The following OTOGL variants were observed in gnomAD, a reference collection of about 807,000 sequenced individuals.
OTOGL encodes otogelin-like protein.
Under a neutral mutation model 318.5 loss-of-function variants are expected in OTOGL, and 285 were observed. The observed-to-expected ratio is 0.89, with a 90% confidence interval of 0.81 to 0.99. OTOGL has a LOEUF of 0.99. OTOGL is among the 50% of genes least tolerant of loss of function. OTOGL has a pLI of 0.00. For missense variants in OTOGL, 2,899 were observed against 2,845.6 expected (o/e 1.02, Z -0.43); for synonymous variants, 987 against 936.5 (o/e 1.05, Z -0.99).
chr12:80,251,612 T>C, intron 11 of OTOGL, 81 bp from the exon 12 acceptor site: 1 of 1,064,862 alleles, frequency 9.4e-7, no homozygotes, highest in Non-Finnish European at 1.4e-6. Flanking sequence ...GCACTCAGCA[T>C]TTCTAGGGAT....
chr12:80,208,417 C>T (rs1212340807), intron 1 of OTOGL, among the ~76,000 whole-genome samples: 2 of 152,134 alleles, frequency 1.3e-5, no homozygotes, highest in East Asian at 3.8e-4. Flanking sequence ...TCATAAAGTA[C>T]TTCTGTGTGG....
intron 1 of OTOGL, among the ~76,000 whole-genome samples, chr12:80,119,666 T>C (rs1870374569): frequency 6.6e-6 from 1 of 152,208 alleles, no homozygotes; most frequent in African/African-American, 2.4e-5. Context: ...TGTATTATGC[T>C]GATTTGTTGA....
rs1301365585 is a variant in OTOGL at position 80,356,487 on chromosome 12, A to C, written c.5878A>C (p.Ser1960Arg). ...TNSQKLIVGHSPLSCCPQYKC... is the reference protein window; with the variant it reads ...TNSQKLIVGHRPLSCCPQYKC... ...TAGTCAAAAATTGATTGTTGGCCAC[A>C]GTCCTCTTTCTTGCTGTCCACAGTA... The change falls in exon 48 of 59, where the codon AGT becomes CGT. Residue 1960 changes from serine (S) to arginine (R), a missense_variant. This residue lies in a region of OTOGL where 2,607 missense variants were observed against 2,524.9 expected (regional missense o/e 1.03). Transcript: ENST00000547103. 2.5e-6 allele frequency: 4 copies of C among 1,611,766 alleles called. No homozygotes were observed. The highest frequency in any genetic ancestry group is 3.4e-6 in the Non-Finnish European group (4 of 1,178,812).
intron 1 of OTOGL, among the ~76,000 whole-genome samples, chr12:80,120,881 C>A (rs1279123600): frequency 6.6e-6 from 1 of 152,134 alleles, no homozygotes; most frequent in Non-Finnish European, 1.5e-5. Context: ...ACCCTTATTC[C>A]CCTGAGAACC....
At chr12:80,360,772 G>A (rs978692198) in intron 52 of OTOGL, among the ~76,000 whole-genome samples, 8 of 151,890 alleles carry the variant, frequency 5.3e-5, no homozygotes, top group Non-Finnish European at 7.4e-5. Flanking sequence ...GAGCCACCGC[G>A]CCTGGCTGGG....
chr12:80,101,845 T>C (rs1869158318), intron 1 of OTOGL, among the ~76,000 whole-genome samples: 1 of 152,196 alleles, frequency 6.6e-6, no homozygotes, highest in African/African-American at 2.4e-5. Context: ...GTAGGTGAAG[T>C]GTTGTGGTAT....
chr12:80,377,053 T>C, intron 57 of OTOGL, 70 bp from the exon 58 acceptor site: 1 of 1,003,784 alleles, frequency 1.0e-6, no homozygotes, highest in Non-Finnish European at 1.5e-6. Context: ...GTAAATATAT[T>C]CATATATTTA....
chr12:80,239,570 C>CTTTTAAT, intron 11 of OTOGL, 131 bp downstream of exon 11: 2 of 630,542 alleles, frequency 3.2e-6, no homozygotes, highest in Non-Finnish European at 2.5e-6. Flanking sequence ...AAACTGCAAA[C>CTTTTAAT]AGCTATTAAA....
chr12:80,149,777 G>A (rs149011995), intron 1 of OTOGL, among the ~76,000 whole-genome samples: 2,840 of 152,310 alleles, frequency 0.019, 83 homozygotes, highest in African/African-American at 0.063. Context: ...GTGGTGCACC[G>A]TTTTTTAAGC....
At position 80,356,891 on chromosome 12, in the gene OTOGL, C is replaced by G; in HGVS notation, c.5996C>G (p.Pro1999Arg). 1 of 1,590,084 alleles carries G rather than the reference C, an allele frequency of 6.3e-7. No homozygotes were observed. Residue 1999 changes from proline (P) to arginine (R), a missense_variant, in exon 49 of 59, where the codon CCT (proline) becomes CGT (arginine). By Grantham distance (103) the Pro-to-Arg change is moderately radical (BLOSUM62 -2). Coordinates refer to ENST00000547103, the MANE Select transcript of OTOGL (RefSeq NM_001378609.3). ...QFMIQVRQEE[P>R]CCFSPFCVCE... Reference sequence around the variant, plus strand: ...ATGATTCAAGTTCGACAGGAAGAACCTTGTTGTTTTTCCCCTTTTTGTGGT... The same window carrying G: ...ATGATTCAAGTTCGACAGGAAGAACGTTGTTGTTTTTCCCCTTTTTGTGGT...
intron 11 of OTOGL, among the ~76,000 whole-genome samples, chr12:80,249,380 A>G (rs1565927891): frequency 1.3e-5 from 2 of 151,110 alleles, no homozygotes; most frequent in Non-Finnish European, 2.9e-5. Flanking sequence ...TTTCCCTTCT[A>G]ACAGACAGGA....
At position 80,351,001 on chromosome 12, in the gene OTOGL, CCT is replaced by C. The variant is rs796743138; in HGVS notation, c.5266-1291_5266-1290del. 3.9e-5 allele frequency among the ~76,000 whole-genome samples: 6 copies of C among 152,108 alleles called. No individual in the cohort carries two copies. In the South Asian group the frequency reaches 6.2e-4, roughly 16 times the overall value. ...CTCAAACCAGTGTCCTAGAGCTTTT[CCT>C]CTGTTTTTGTCTAGTGGTTTTGTAG... On this transcript the variant is annotated intron_variant, in intron 44 of 58. Transcript: ENST00000547103.
intron 1 of OTOGL, among the ~76,000 whole-genome samples, chr12:80,182,671 G>A (rs1035879924): frequency 6.6e-6 from 1 of 152,182 alleles, no homozygotes; most frequent in Admixed American, 6.6e-5. Context: ...CAGATAGAAT[G>A]CAGTAGGGAT....
intron 1 of OTOGL, among the ~76,000 whole-genome samples, chr12:80,124,018 G>T (rs899473965): frequency 6.6e-6 from 1 of 151,962 alleles, no homozygotes; most frequent in Admixed American, 6.6e-5. Flanking sequence ...AGTTTCTTTC[G>T]CTGTGCAGAA....
At chr12:80,134,396 A>G (rs1871421086) in intron 1 of OTOGL, among the ~76,000 whole-genome samples, 1 of 152,124 alleles carries the variant, frequency 6.6e-6, no homozygotes, top group Non-Finnish European at 1.5e-5. Flanking sequence ...TATAACACCC[A>G]CAAATTTCAT....
chr12:80,244,747 C>A (rs1234954945), intron 11 of OTOGL, among the ~76,000 whole-genome samples: 7 of 148,182 alleles, frequency 4.7e-5, no homozygotes. Context: ...ACCACAATGA[C>A]TTCCACAATG....
intron 32 of OTOGL, among the ~76,000 whole-genome samples, chr12:80,315,600 A>G (rs1232953394): frequency 6.6e-6 from 1 of 152,196 alleles, no homozygotes; most frequent in Non-Finnish European, 1.5e-5. Flanking sequence ...TGGATGTGTC[A>G]GTTAGAATAA....
At chr12:80,257,031 C>T (rs1311728584) in intron 17 of OTOGL, among the ~76,000 whole-genome samples, 1 of 151,964 alleles carries the variant, frequency 6.6e-6, no homozygotes, top group East Asian at 1.9e-4. Context: ...ATGAGAAGGG[C>T]TTATGTAGGA....
At chr12:80,272,300 A>G (rs547777754) in intron 24 of OTOGL, among the ~76,000 whole-genome samples, 1 of 147,486 alleles carries the variant, frequency 6.8e-6, no homozygotes, top group African/African-American at 2.5e-5. Context: ...TAGTGGAGTG[A>G]TTTTTCTGCA....
Sources: gnomAD v4.1 joint callset for allele counts (sites outside exome capture counted in the v4.1 genomes callset) on GRCh38, gnomAD v4.1.1 for gene constraint, gnomAD v4.1.1 regional missense constraint, MANE v1.5 for transcripts, NCBI Gene and HGNC (gene_info 2026-07-23, HGNC 2026-07-21) for gene names.